BFSP2: variants seen among roughly 807,000 people sequenced by gnomAD.
BFSP2 encodes phakinin.
BFSP2 carries 38 observed loss-of-function variants against 44.9 expected under a neutral mutation model. That is an observed-to-expected ratio of 0.85 (90% CI 0.65 to 1.11). BFSP2 has a LOEUF of 1.11. Ranked by LOEUF, BFSP2 falls within the 50% of genes least tolerant of loss-of-function variation. The pLI is 0.00. For synonymous variants in BFSP2, 197 were observed against 209.9 expected, an observed-to-expected ratio of 0.94 and a Z score of 0.53; for missense variants, 525 against 533.0, an observed-to-expected ratio of 0.99 and a Z score of 0.15.
chr3:133,423,721 C>A (rs1441202626), intron 1 of BFSP2, among the ~76,000 whole-genome samples: 1 of 152,116 alleles, frequency 6.6e-6, no homozygotes, highest in Non-Finnish European at 1.5e-5. Context: ...CCCGGGCTAC[C>A]GCCTCTGACC....
At chr3:133,457,231 C>T (rs1232925427) in intron 4 of BFSP2, among the ~76,000 whole-genome samples, 1 of 152,220 alleles carries the variant, frequency 6.6e-6, no homozygotes, top group East Asian at 1.9e-4. Context: ...GTGAAATAAG[C>T]CATGGCTGTA....
intron 4 of BFSP2, among the ~76,000 whole-genome samples, chr3:133,460,830 T>G (rs555454586): frequency 6.6e-6 from 1 of 152,252 alleles, no homozygotes; most frequent in African/African-American, 2.4e-5. Flanking sequence ...GGCAGGTAGC[T>G]GCATTCTGCA....
chr3:133,432,308 G>A (rs530049326), intron 1 of BFSP2, among the ~76,000 whole-genome samples: 3 of 152,228 alleles, frequency 2.0e-5, no homozygotes, highest in Admixed American at 2.0e-4. Flanking sequence ...GTGCCCAACC[G>A]GTACACCCTT....
intron 1 of BFSP2, among the ~76,000 whole-genome samples, chr3:133,416,743 A>G: frequency 4.9e-5 from 1 of 20,456 alleles, no homozygotes. Context: ...TTGCCCTCTC[A>G]CCTCTACTCA....
At chr3:133,418,012 A>C (rs1454163785) in intron 1 of BFSP2, among the ~76,000 whole-genome samples, 5 of 110,194 alleles carry the variant, frequency 4.5e-5, no homozygotes, top group Admixed American at 9.4e-5. Context: ...TCTCCATTCT[A>C]CTCACCCCTG....
chr3:133,419,453 T>C (rs2073573143), intron 1 of BFSP2, among the ~76,000 whole-genome samples: 1 of 152,182 alleles, frequency 6.6e-6, no homozygotes, highest in Non-Finnish European at 1.5e-5. Context: ...CCCGAGTTAG[T>C]CCTGTCCCAG....
At chr3:133,465,488 G>T (rs750586120) in intron 4 of BFSP2, among the ~76,000 whole-genome samples, 28 of 152,292 alleles carry the variant, frequency 1.8e-4, no homozygotes, top group Non-Finnish European at 5.9e-5. Context: ...AGAAAATGGG[G>T]ATGATCTCTC....
intron 4 of BFSP2, among the ~76,000 whole-genome samples, chr3:133,457,580 A>T (rs950500135): frequency 1.3e-5 from 2 of 152,190 alleles, no homozygotes; most frequent in Non-Finnish European, 2.9e-5. Flanking sequence ...CTTTTTACAC[A>T]AGTAGTATTC....
At chr3:133,402,107 A>G (rs2107872802) in intron 1 of BFSP2, among the ~76,000 whole-genome samples, 1 of 152,252 alleles carries the variant, frequency 6.6e-6, no homozygotes, top group East Asian at 1.9e-4. Context: ...TTGTGCCATA[A>G]CAACCACCAG....
intron 2 of BFSP2, among the ~76,000 whole-genome samples, chr3:133,448,114 T>C (rs1475029885): frequency 6.6e-6 from 1 of 152,204 alleles, no homozygotes; most frequent in East Asian, 1.9e-4. Context: ...CCCACCCTGG[T>C]GCTTAGCAGG....
At chr3:133,437,099 A>T (rs2073792766) in intron 1 of BFSP2, among the ~76,000 whole-genome samples, 1 of 152,244 alleles carries the variant, frequency 6.6e-6, no homozygotes, top group East Asian at 1.9e-4. Flanking sequence ...AGCATGATTT[A>T]TAATCCTTTG....
At chr3:133,428,822 T>G (rs2107902144) in intron 1 of BFSP2, among the ~76,000 whole-genome samples, 1 of 152,342 alleles carries the variant, frequency 6.6e-6, no homozygotes, top group East Asian at 1.9e-4. Flanking sequence ...CGCTCTGACC[T>G]GCCTTCTCCA....
intron 1 of BFSP2, among the ~76,000 whole-genome samples, chr3:133,438,053 G>A (rs1265561542): frequency 1.3e-5 from 2 of 152,196 alleles, no homozygotes; most frequent in Non-Finnish European, 2.9e-5. Flanking sequence ...GGAGGAAACT[G>A]TCTATAGTTG....
chr3:133,447,332 T>C lies in BFSP2; in HGVS notation c.505T>C (p.Leu169=), dbSNP rs2073912438. The part of the protein sequence containing the change: ...SSCQQVGEAV[L]ENARLMLQTE... ...ATCGCTCTAGGTGGGTGAGGCAGTC[T>C]TGGAAAATGCCCGGCTCATGCTGCA... Residue 169 remains leucine (L), a synonymous_variant, in exon 2 of 7, where the codon TTG becomes CTG. Transcript: ENST00000302334. 1 of 1,614,038 alleles carries C rather than the reference T, an allele frequency of 6.2e-7. No individual in the cohort carries two copies. Among genetic ancestry groups the C allele is most frequent in the East Asian group, 2.2e-5 (1 of 44,864 alleles).
intron 1 of BFSP2, among the ~76,000 whole-genome samples, chr3:133,428,916 T>C (rs1279232758): frequency 6.6e-6 from 1 of 152,258 alleles, no homozygotes; most frequent in Non-Finnish European, 1.5e-5. Flanking sequence ...CTTTTCCAAG[T>C]TGATTTTATT....
At chr3:133,430,243 T>A (rs2073698950) in intron 1 of BFSP2, among the ~76,000 whole-genome samples, 1 of 152,130 alleles carries the variant, frequency 6.6e-6, no homozygotes, top group South Asian at 2.1e-4. Flanking sequence ...TATAGCAGCA[T>A]GATTTATAAT....
intron 1 of BFSP2, among the ~76,000 whole-genome samples, chr3:133,430,805 C>G (rs971790057): frequency 1.3e-5 from 2 of 152,062 alleles, no homozygotes; most frequent in Non-Finnish European, 2.9e-5. Context: ...CTGACCTCTC[C>G]CCTCCTCACC....
chr3:133,407,013 G>A (rs1490873786), intron 1 of BFSP2, among the ~76,000 whole-genome samples: 2 of 152,168 alleles, frequency 1.3e-5, no homozygotes, highest in African/African-American at 4.8e-5. Context: ...GGTTGAGGCT[G>A]CAGTGAGCCA....
At chr3:133,434,892 G>T (rs766911653) in intron 1 of BFSP2, among the ~76,000 whole-genome samples, 1 of 151,556 alleles carries the variant, frequency 6.6e-6, no homozygotes, top group Admixed American at 6.6e-5. Flanking sequence ...GACTCTTTTC[G>T]GACTCAGCCC....
Sources: allele counts gnomAD v4.1 joint callset (sites outside exome capture counted in the v4.1 genomes callset), GRCh38; gene constraint gnomAD v4.1.1; transcripts MANE v1.5; gene names NCBI Gene and HGNC (gene_info 2026-07-23, HGNC 2026-07-21).